SLC25A12: variants seen among roughly 807,000 people sequenced by gnomAD.
SLC25A12 encodes solute carrier family 25 member 12.
SLC25A12 carries 32 observed loss-of-function variants against 83.3 expected under a neutral mutation model. The ratio of observed to expected loss-of-function variants is 0.38; its 90% confidence interval spans 0.29 to 0.52. SLC25A12 has a LOEUF of 0.52. Ranked by LOEUF, SLC25A12 falls within the 20% of genes least tolerant of loss-of-function variation. The pLI is 0.84. For missense variants in SLC25A12, 611 were observed against 835.6 expected, an observed-to-expected ratio of 0.73 and a Z score of 3.31; for synonymous variants, 267 against 291.1, an observed-to-expected ratio of 0.92 and a Z score of 0.84.
At chr2:171,791,830 T>G (rs957018028) in intron 14 of SLC25A12, among the ~76,000 whole-genome samples, 4 of 152,182 alleles carry the variant, frequency 2.6e-5, no homozygotes, top group African/African-American at 9.7e-5. Flanking sequence ...CCTGCAGTCC[T>G]AGAGTTAATA....
intron 2 of SLC25A12, among the ~76,000 whole-genome samples, chr2:171,873,952 G>A (rs1311370499): frequency 1.3e-5 from 2 of 152,098 alleles, no homozygotes; most frequent in African/African-American, 4.8e-5. Flanking sequence ...CTGGCCAGGC[G>A]CGGTGGCTCA....
chr2:171,814,730 G>A (rs1358405321), intron 10 of SLC25A12, among the ~76,000 whole-genome samples: 1 of 152,088 alleles, frequency 6.6e-6, no homozygotes, highest in Non-Finnish European at 1.5e-5. Context: ...ACTTATAAAT[G>A]AGAACATGTG....
At chr2:171,839,920 C>G (rs1351999038) in intron 5 of SLC25A12, among the ~76,000 whole-genome samples, 1 of 152,158 alleles carries the variant, frequency 6.6e-6, no homozygotes, top group Non-Finnish European at 1.5e-5. Context: ...AAGGCCTCCA[C>G]CCTTTCCCAA....
rs888754132 is a variant in SLC25A12 at position 171,862,766 on chromosome 2, C to T, written c.209+5915G>A. On this transcript the variant is annotated intron_variant, in intron 3 of 17. Transcript: ENST00000422440. ...CACATAACATATCTATAGGACTCAT[C>T]ATCAGAAAACTATGATAGAACCAAG... is the stretch of plus-strand genomic sequence containing the variant. 5.8e-4 allele frequency among the ~76,000 whole-genome samples: 88 copies of T among 152,148 alleles called. 1 individual carries two copies. Among genetic ancestry groups the T allele is most frequent in the African/African-American group, 2.0e-3 (82 of 41,420 alleles).
intron 3 of SLC25A12, among the ~76,000 whole-genome samples, chr2:171,867,174 T>C (rs1229393635): frequency 2.2e-5 from 3 of 138,706 alleles, no homozygotes; most frequent in African/African-American, 8.4e-5. Context: ...GAGGGGCTCC[T>C]CACGTCCCAG....
chr2:171,832,126 C>CT (rs1192194857), intron 8 of SLC25A12, among the ~76,000 whole-genome samples: 2 of 152,152 alleles, frequency 1.3e-5, no homozygotes, highest in East Asian at 3.8e-4. Context: ...GTTCAAGGCA[C>CT]TTTAAAGGAT....
At chr2:171,885,402 G>A (rs1249924996) in intron 2 of SLC25A12, among the ~76,000 whole-genome samples, 1 of 151,518 alleles carries the variant, frequency 6.6e-6, no homozygotes, top group African/African-American at 2.4e-5. Flanking sequence ...AGAAAAGGCT[G>A]GGCATGGTGG....
At chr2:171,813,717 C>G (rs147125952) in intron 10 of SLC25A12, among the ~76,000 whole-genome samples, 2 of 152,276 alleles carry the variant, frequency 1.3e-5, no homozygotes, top group Admixed American at 6.5e-5. Flanking sequence ...AAACAACTGT[C>G]AAGAATGCTC....
intron 3 of SLC25A12, among the ~76,000 whole-genome samples, chr2:171,867,167 G>A (rs1281904829): frequency 1.3e-5 from 2 of 149,870 alleles, no homozygotes; most frequent in South Asian, 2.1e-4. Flanking sequence ...CCAGGCAGAG[G>A]GGCTCCTCAC....
At chr2:171,847,242 A>G (rs1684817499) in intron 4 of SLC25A12, among the ~76,000 whole-genome samples, 2 of 152,312 alleles carry the variant, frequency 1.3e-5, no homozygotes, top group South Asian at 4.1e-4. Context: ...CTCTTCTGTT[A>G]TCATTGTTTC....
At chr2:171,843,783 T>G (rs1684732985) in intron 5 of SLC25A12, among the ~76,000 whole-genome samples, 2 of 145,062 alleles carry the variant, frequency 1.4e-5, no homozygotes. Context: ...AGGAGAGAGG[T>G]GAAAGAACTA....
At position 171,826,829 on chromosome 2, in the gene SLC25A12, A is replaced by G; in HGVS notation, c.899T>C (p.Leu300Ser). The G allele has an allele frequency of 1.9e-6, 3 of 1,610,056 alleles. No individual in the cohort carries two copies. The highest frequency in any genetic ancestry group is 2.6e-6 in the Non-Finnish European group (3 of 1,176,386). ...ERIAPLAEGA[L>S]PYNLAELQRQ... is the part of the protein sequence containing the mutation. ...CTGAAGTTCTGCCAGGTTGTAAGGT[A>G]AGGCCCCCTCAGCCAATGGGGCTAT... The change falls in exon 9 of 18, where the codon TTA (leucine) becomes TCA (serine). Residue 300 changes from leucine (L) to serine (S), a missense_variant. By Grantham distance (145) the Leu-to-Ser change is moderately radical (BLOSUM62 -2). Coordinates refer to ENST00000422440, the MANE Select transcript of SLC25A12 (RefSeq NM_003705.5).
intron 3 of SLC25A12, among the ~76,000 whole-genome samples, chr2:171,866,892 C>A (rs1395776841): frequency 1.3e-5 from 2 of 150,134 alleles, no homozygotes; most frequent in African/African-American, 4.9e-5. Flanking sequence ...GGCTGCCGGG[C>A]GGAGGGGCTC....
At chr2:171,793,820 A>G in intron 13 of SLC25A12, 53 bp from the exon 14 acceptor site, 1 of 1,607,202 alleles carries the variant, frequency 6.2e-7, no homozygotes. Context: ...CCCGACTGGC[A>G]GCGTAAAAAA....
intron 13 of SLC25A12, among the ~76,000 whole-genome samples, chr2:171,797,615 G>A (rs547973040): frequency 3.3e-5 from 5 of 152,024 alleles, no homozygotes; most frequent in Non-Finnish European, 5.9e-5. Context: ...GTCTTCTCTC[G>A]CATATTCTTC....
chr2:171,847,838 A>T (rs1240163614), intron 4 of SLC25A12, among the ~76,000 whole-genome samples: 1 of 152,212 alleles, frequency 6.6e-6, no homozygotes, highest in South Asian at 2.1e-4. Flanking sequence ...ACTGGGGCTA[A>T]ATACAAAAGT....
chr2:171,822,248 A>G (rs986214686), intron 9 of SLC25A12, among the ~76,000 whole-genome samples: 10 of 152,298 alleles, frequency 6.6e-5, no homozygotes, highest in African/African-American at 2.4e-4. Flanking sequence ...TGGGCTTCTC[A>G]TATTTGATAA....
intron 2 of SLC25A12, chr2:171,871,865 G>C (rs1685463528): frequency 3.8e-6 from 1 of 260,198 alleles, no homozygotes; most frequent in African/African-American, 2.5e-5. Flanking sequence ...GTTGCAATGA[G>C]CCAAGATTGC....
At chr2:171,883,647 A>G (rs1177978020) in intron 2 of SLC25A12, among the ~76,000 whole-genome samples, 3 of 152,156 alleles carry the variant, frequency 2.0e-5, no homozygotes, top group African/African-American at 7.2e-5. Flanking sequence ...ACCCTTTTCT[A>G]TATCTAAGCT....
Sources: gnomAD v4.1 joint callset for allele counts (sites outside exome capture counted in the v4.1 genomes callset) on GRCh38, gnomAD v4.1.1 for gene constraint, MANE v1.5 for transcripts, NCBI Gene and HGNC (gene_info 2026-07-23, HGNC 2026-07-21) for gene names.